The following ABT1 variants were observed in gnomAD, a reference collection of about 807,000 sequenced individuals.
The protein encoded by ABT1 is TATA-binding protein-binding protein.
In ABT1, 13 loss-of-function variants were observed where a neutral mutation model predicts 14.0. The observed-to-expected ratio is 0.93, with a 90% CI of 0.61 to 1.48. The LOEUF is 1.48. ABT1 is among the 40% of genes most tolerant of loss of function. The pLI, the probability that ABT1 is intolerant of heterozygous loss-of-function variation, is 0.00. For synonymous variants in ABT1, 165 were observed against 144.6 expected, an observed-to-expected ratio of 1.14 and a Z score of -1.01; for missense variants, 430 against 380.0, an observed-to-expected ratio of 1.13 and a Z score of -1.09.
At chr6:26,597,319 GGC>G in intron 1 of ABT1, 96 bp downstream of exon 1, 2 of 1,542,126 alleles carry the variant, frequency 1.3e-6, no homozygotes. Flanking sequence ...GCGAGGCTGA[GGC>G]ACGAGTTGCT....
In ABT1 at chr6:26,598,125, C is replaced by T. The variant is rs1554144733; in HGVS notation, c.438+15C>T. ...GGAACCTCAAGGTGAGAAGATAGAT[C>T]TTTCTGCCACACCTCTCACCCTCCC... On this transcript the variant is annotated intron_variant, in intron 2 of 2. Coordinates refer to ENST00000274849, the MANE Select transcript of ABT1 (RefSeq NM_013375.4). The T allele has an allele frequency of 6.3e-7, 1 of 1,597,482 alleles. No individual in the cohort carries two copies. The highest frequency in any genetic ancestry group is 1.1e-5 in the South Asian group (1 of 89,988).
chr6:26,598,613 A>T lies in ABT1; in HGVS notation c.787A>T (p.Met263Leu). Residue 263 changes from methionine (M) to leucine (L), a missense_variant, in exon 3 of 3, where the codon ATG (methionine) becomes TTG (leucine). Coordinates refer to ENST00000274849, the MANE Select transcript of ABT1 (RefSeq NM_013375.4). ...IFGAPPPSES[M>L]EGPSLVRDS ...TGGAGCCCCGCCACCCTCAGAGAGCATGGAGGGACCTTCCCTTGTCAGGGA... is the reference window on the plus strand; with the variant it reads ...TGGAGCCCCGCCACCCTCAGAGAGCTTGGAGGGACCTTCCCTTGTCAGGGA... 3 of 1,583,700 alleles carry T rather than the reference A, an allele frequency of 1.9e-6. No homozygotes were observed. The highest frequency in any genetic ancestry group is 2.6e-6 in the Non-Finnish European group (3 of 1,160,378).
At chr6:26,597,787 T>C (rs1317578729) in intron 1 of ABT1, 127 bp from the exon 2 acceptor site, 15 of 931,628 alleles carry the variant, frequency 1.6e-5, no homozygotes, top group African/African-American at 1.0e-4. Context: ...GTTCCCTTCC[T>C]CCTGGGCAAA....
chr6:26,599,578 G>A lies in ABT1; in HGVS notation c.*933G>A, dbSNP rs1194403295. 1 of 152,200 alleles carries A rather than the reference G, an allele frequency of 6.6e-6. No individual in the cohort carries two copies. The highest frequency in any genetic ancestry group is 1.5e-5 in the Non-Finnish European group (1 of 68,034). The allele number at this position is 152,200 out of a possible 1,614,324, so 9.4% of individuals were successfully genotyped here. A position where few individuals can be genotyped will look rare whatever the true frequency, so the allele number is the denominator to read the frequency against. On this transcript the variant is annotated 3_prime_UTR_variant, in exon 3 of 3. Coordinates refer to ENST00000274849, the MANE Select transcript of ABT1 (RefSeq NM_013375.4). The stretch of plus-strand genomic sequence containing the variant: ...ATCATTCCTACAAAGTAAACTGGGA[G>A]AATAATAAGTCTGAAAGAGTGTGGA...
At chr6:26,597,820 C>G in intron 1 of ABT1, 94 bp from the exon 2 acceptor site, 1 of 1,317,716 alleles carries the variant, frequency 7.6e-7, no homozygotes, top group Non-Finnish European at 1.0e-6. Context: ...GGGACTCCCA[C>G]TGGCAGATGT....
chr6:26,597,020 A>G lies in ABT1; in HGVS notation c.38A>G (p.Gln13Arg). The G allele has an allele frequency of 6.2e-7, 1 of 1,613,444 alleles. No individual in the cohort carries two copies. Residue 13 changes from glutamine (Q) to arginine (R), a missense_variant, in exon 1 of 3, where the codon CAA (glutamine) becomes CGA (arginine). Transcript: ENST00000274849. ...GAATCGGAGAAGGCCGCAACGGAGCAAGAGCCGCTGGAAGGGACAGAACAG... is the reference window on the plus strand; with the variant it reads ...GAATCGGAGAAGGCCGCAACGGAGCGAGAGCCGCTGGAAGGGACAGAACAG... ...AEESEKAATE[Q>R]EPLEGTEQTL...
At position 26,598,462 on chromosome 6, in the gene ABT1, C is replaced by A. The variant is rs1490538422; in HGVS notation, c.636C>A (p.Ala212=). 6.2e-7 allele frequency: 1 copy of A among 1,614,192 alleles called. No individual in the cohort carries two copies. The highest frequency in any genetic ancestry group is 1.7e-5 in the Admixed American group (1 of 60,032). ...PARPDGSWTF[A]QRPTEQELRA... The stretch of plus-strand genomic sequence containing the variant: ...GCCCAGATGGCTCCTGGACATTTGC[C>A]CAGCGTCCTACTGAGCAGGAACTGA... The change falls in exon 3 of 3, where the codon GCC becomes GCA. Residue 212 remains alanine (A), a synonymous_variant. Transcript: ENST00000274849.
rs1554144844 is a variant in ABT1 at position 26,598,620 on chromosome 6, G to A, written c.794G>A (p.Gly265Glu). The change falls in exon 3 of 3, where the codon GGA becomes GAA. Residue 265 changes from glycine (G) to glutamate (E), a missense_variant. Transcript: ENST00000274849. The stretch of plus-strand genomic sequence containing the variant: ...CCGCCACCCTCAGAGAGCATGGAGG[G>A]ACCTTCCCTTGTCAGGGACTCCTGA... ...GAPPPSESME[G>E]PSLVRDS is the part of the protein sequence containing the mutation. The A allele has an allele frequency of 1.9e-6, 3 of 1,575,020 alleles. No homozygotes were observed. The Admixed American group carries it at 5.3e-5, about 28-fold the overall frequency.
At chr6:26,598,194 G>A in intron 2 of ABT1, 71 bp from the exon 3 acceptor site, 4 of 1,574,548 alleles carry the variant, frequency 2.5e-6, no homozygotes, top group Non-Finnish European at 3.5e-6. Flanking sequence ...CCTCTCATTG[G>A]CCTTGTCCCC....
chr6:26,599,191 A>G lies in ABT1; in HGVS notation c.*546A>G, dbSNP rs1554144892. 6.6e-6 allele frequency: 1 copy of G among 152,122 alleles called. No homozygotes were observed. The highest frequency in any genetic ancestry group is 2.4e-5 in the African/African-American group (1 of 41,394). The allele number at this position is 152,122 out of a possible 1,614,324, so 9.4% of individuals were successfully genotyped here. A position where few individuals can be genotyped will look rare whatever the true frequency, so the allele number is the denominator to read the frequency against. ...GGTCATTGGACAAGTTCCAACTTTC[A>G]TCTTGTGTTCCCTTCACCTTCATAT... On this transcript the variant is annotated 3_prime_UTR_variant, in exon 3 of 3. Coordinates refer to ENST00000274849, the MANE Select transcript of ABT1 (RefSeq NM_013375.4).
chr6:26,596,965 C>G lies in ABT1; in HGVS notation c.-18C>G. 2 of 1,602,714 alleles carry G rather than the reference C, an allele frequency of 1.2e-6. No individual in the cohort carries two copies. The highest frequency in any genetic ancestry group is 8.5e-7 in the Non-Finnish European group (1 of 1,175,078). The stretch of plus-strand genomic sequence containing the variant: ...GGCAAGGCACTTTACGGCCGTCGTG[C>G]CGCTCGTGTCAGTCAACATGGAGGC... On this transcript the variant is annotated 5_prime_UTR_variant, in exon 1 of 3. Coordinates refer to ENST00000274849, the MANE Select transcript of ABT1 (RefSeq NM_013375.4).
At chr6:26,597,617 A>G (rs985278366) in intron 1 of ABT1, among the ~76,000 whole-genome samples, 1 of 152,232 alleles carries the variant, frequency 6.6e-6, no homozygotes, top group African/African-American at 2.4e-5. Flanking sequence ...GCCTAGGTCA[A>G]GAAACTATTT....
In ABT1 at chr6:26,600,127, G is replaced by A. The variant is rs1333081550; in HGVS notation, c.*1482G>A. On this transcript the variant is annotated 3_prime_UTR_variant, in exon 3 of 3. Coordinates refer to ENST00000274849, the MANE Select transcript of ABT1 (RefSeq NM_013375.4). ...ACTACGTTTCCATTTAGAAACTTTC[G>A]TCTTGTTTCTGTTTTTAATTCTTGT... 6 of 152,122 alleles carry A rather than the reference G, an allele frequency of 3.9e-5. No individual in the cohort carries two copies. Among genetic ancestry groups the A allele is most frequent in the Non-Finnish European group, 5.9e-5 (4 of 68,016 alleles). 9.4% of individuals were successfully genotyped at this position (152,122 alleles called of 1,614,324 possible). A position where few individuals can be genotyped will look rare whatever the true frequency, so the allele number is the denominator to read the frequency against.
intron 1 of ABT1, 89 bp from the exon 2 acceptor site, chr6:26,597,825 A>C (rs1581469507): frequency 7.5e-7 from 1 of 1,338,278 alleles, no homozygotes; most frequent in East Asian, 2.4e-5. Flanking sequence ...TCCCACTGGC[A>C]GATGTGAAGA....
chr6:26,597,107 G>GTC lies in ABT1; in HGVS notation c.125_126insTC (p.Val43ArgfsTer2), dbSNP rs782542700. 6.2e-7 allele frequency: 1 copy of GTC among 1,614,124 alleles called. No homozygotes were observed. Among genetic ancestry groups the GTC allele is most frequent in the Non-Finnish European group, 8.5e-7 (1 of 1,179,996 alleles). Reference sequence around the variant, plus strand: ...GAAGCGGCCTGTGGCAGCAAGAAACGGGTAGTGCCAGGTATTGTGTACCTG... The same window carrying GTC: ...GAAGCGGCCTGTGGCAGCAAGAAACGTCGGTAGTGCCAGGTATTGTGTACCTG... On this transcript the variant is annotated frameshift_variant, in exon 1 of 3. Transcript: ENST00000274849. LOFTEE classifies it high-confidence loss of function.
chr6:26,597,905 G>A lies in ABT1; in HGVS notation c.242-9G>A, dbSNP rs781787398. On this transcript the variant is annotated splice_polypyrimidine_tract_variant and intron_variant, in intron 1 of 2. Coordinates refer to ENST00000274849, the MANE Select transcript of ABT1 (RefSeq NM_013375.4). The stretch of plus-strand genomic sequence containing the variant: ...GCGTCCTGGACGGGTCTTTGTCTTT[G>A]GCGCGCAGACCGGTTCGTGAGACGC... The A allele has an allele frequency of 6.2e-7, 1 of 1,604,082 alleles. No homozygotes were observed. Among genetic ancestry groups the A allele is most frequent in the Non-Finnish European group, 8.5e-7 (1 of 1,173,548 alleles).
chr6:26,598,025 C>T lies in ABT1; in HGVS notation c.353C>T (p.Ala118Val). ...GWVEFRDKRI[A>V]KRVAASLHNT... Reference sequence around the variant, plus strand: ...GTGGAGTTCCGTGACAAGCGCATAGCCAAGCGCGTGGCGGCCAGTCTACAC... The same window carrying T: ...GTGGAGTTCCGTGACAAGCGCATAGTCAAGCGCGTGGCGGCCAGTCTACAC... The change falls in exon 2 of 3, where the codon GCC (alanine) becomes GTC (valine). Residue 118 changes from alanine (A) to valine (V), a missense_variant. Coordinates refer to ENST00000274849, the MANE Select transcript of ABT1 (RefSeq NM_013375.4). 1 of 1,614,182 alleles carries T rather than the reference C, an allele frequency of 6.2e-7. No individual in the cohort carries two copies. The highest frequency in any genetic ancestry group is 1.1e-5 in the South Asian group (1 of 91,086).
In ABT1 at chr6:26,598,364, C is replaced by A. The variant is rs538835370; in HGVS notation, c.538C>A (p.Arg180Ser). The change falls in exon 3 of 3, where the codon CGT (arginine) becomes AGT (serine). Residue 180 changes from arginine to serine, a missense_variant. Transcript: ENST00000274849. Reference protein sequence around the residue: ...RLRAEVAQAKRETDFYLQSVE... With the variant: ...RLRAEVAQAKSETDFYLQSVE... ...GAGAGCGGAGGTTGCTCAAGCCAAG[C>A]GTGAGACCGACTTCTATCTTCAAAG... The A allele has an allele frequency of 6.2e-7, 1 of 1,614,286 alleles. No homozygotes were observed. Among genetic ancestry groups the A allele is most frequent in the Non-Finnish European group, 8.5e-7 (1 of 1,180,052 alleles).
chr6:26,598,260 C>A lies in ABT1; in HGVS notation c.439-5C>A, dbSNP rs782757621. 3 of 1,607,698 alleles carry A rather than the reference C, an allele frequency of 1.9e-6. No individual in the cohort carries two copies. In the South Asian group the frequency reaches 3.3e-5, roughly 18 times the overall value. On this transcript the variant is annotated splice_region_variant and splice_polypyrimidine_tract_variant and intron_variant, in intron 2 of 2. Transcript: ENST00000274849. ...TCCTGATCTTTTCTTCTTTTCTGCC[C>A]ACAGTACTTGCACCGTTTCACCTGG...
Sources: gnomAD v4.1 joint callset for allele counts (sites outside exome capture counted in the v4.1 genomes callset) on GRCh38, gnomAD v4.1.1 for gene constraint, MANE v1.5 for transcripts, NCBI Gene and HGNC (gene_info 2026-07-23, HGNC 2026-07-21) for gene names.